The following RANBP2 variants were observed in gnomAD, a reference collection of about 807,000 sequenced individuals.
RANBP2 encodes the protein E3 SUMO-protein ligase RanBP2.
RANBP2 carries 57 observed loss-of-function variants against 303.6 expected under a neutral mutation model. The observed-to-expected ratio is 0.19, with a 90% CI of 0.15 to 0.23. The LOEUF (loss-of-function observed/expected upper bound fraction) is 0.23, where lower values mean the gene tolerates loss of function less well. Ranked by LOEUF, RANBP2 falls within the 10% of genes least tolerant of loss-of-function variation. The probability of loss-of-function intolerance (pLI) is 1.00; values close to 1 mark genes in which losing one functional copy is unlikely to be tolerated. For missense variants in RANBP2, 3,138 were observed against 3,780.8 expected, an observed-to-expected ratio of 0.83 and a Z score of 4.46; for synonymous variants, 1,167 against 1,301.5, an observed-to-expected ratio of 0.90 and a Z score of 2.23.
chr2:109,176,311 T>C, the RANBP2 span, among the ~76,000 whole-genome samples: 1 of 152,180 alleles, frequency 6.6e-6, no homozygotes, highest in Admixed American at 6.5e-5. Flanking sequence ...GGTTATTTCA[T>C]TGAGGGCTGG....
chr2:109,627,128 C>T, the RANBP2 span, among the ~76,000 whole-genome samples: 1 of 151,962 alleles, frequency 6.6e-6, no homozygotes, highest in Admixed American at 6.6e-5. Context: ...TCTGTGAATA[C>T]CCACTGCACT....
At chr2:109,064,116 C>G in the RANBP2 span, among the ~76,000 whole-genome samples, 1 of 152,150 alleles carries the variant, frequency 6.6e-6, no homozygotes, top group Admixed American at 6.5e-5. Context: ...TGTGATAACT[C>G]TGTAAGGTAT....
the RANBP2 span, among the ~76,000 whole-genome samples, chr2:109,558,187 T>A: frequency 1.3e-5 from 2 of 152,210 alleles, no homozygotes; most frequent in South Asian, 4.1e-4. Context: ...AAATCTCAGA[T>A]GCTCATGTCA....
At chr2:109,767,330 G>A in the RANBP2 span, among the ~76,000 whole-genome samples, 2 of 149,426 alleles carry the variant, frequency 1.3e-5, no homozygotes, top group South Asian at 2.2e-4. Flanking sequence ...TTTCTTAGTC[G>A]TGCATCATAG....
chr2:109,196,614 G>A, the RANBP2 span, among the ~76,000 whole-genome samples: 1 of 152,168 alleles, frequency 6.6e-6, no homozygotes, highest in Non-Finnish European at 1.5e-5. Context: ...TTGAAACTCC[G>A]AGTGCTGCTG....
At chr2:109,414,534 T>A in the RANBP2 span, among the ~76,000 whole-genome samples, 2 of 152,292 alleles carry the variant, frequency 1.3e-5, no homozygotes, top group East Asian at 3.9e-4. Flanking sequence ...GACGCCATCT[T>A]GGCTACGGTC....
At chr2:109,198,351 A>G in the RANBP2 span, among the ~76,000 whole-genome samples, 8 of 140,604 alleles carry the variant, frequency 5.7e-5, no homozygotes, top group Admixed American at 2.3e-4. Context: ...GATCACTTCA[A>G]ACATCCTTGT....
chr2:109,301,352 G>A, the RANBP2 span, among the ~76,000 whole-genome samples: 1 of 68,866 alleles, frequency 1.5e-5, no homozygotes, highest in Non-Finnish European at 3.0e-5. Flanking sequence ...GTGTGTGTGT[G>A]TTTGTGTATG....
At chr2:109,059,111 G>A in the RANBP2 span, among the ~76,000 whole-genome samples, 4 of 152,158 alleles carry the variant, frequency 2.6e-5, no homozygotes, top group African/African-American at 9.7e-5. Flanking sequence ...GTGGGGAAGG[G>A]GAGTTAGGGG....
At chr2:109,633,397 A>G in the RANBP2 span, among the ~76,000 whole-genome samples, 5 of 91,676 alleles carry the variant, frequency 5.5e-5, no homozygotes, top group Non-Finnish European at 1.3e-4. Flanking sequence ...CATCTCAAAA[A>G]ACAAAACAAA....
At chr2:109,488,609 CT>C in the RANBP2 span, among the ~76,000 whole-genome samples, 1 of 152,334 alleles carries the variant, frequency 6.6e-6, no homozygotes, top group East Asian at 1.9e-4. Flanking sequence ...ACGGTTTCTT[CT>C]TTTCCTTTCT....
the RANBP2 span, chr2:108,873,300 GAT>G: frequency 2.6e-5 from 1 of 38,750 alleles, no homozygotes; most frequent in East Asian, 1.1e-3. Context: ...TTTTTCAAAT[GAT>G]GATATTTTCA....
the RANBP2 span, among the ~76,000 whole-genome samples, chr2:108,889,743 T>G: frequency 6.6e-6 from 1 of 152,190 alleles, no homozygotes; most frequent in African/African-American, 2.4e-5. Context: ...TCCATTCAGC[T>G]ATTCTATATC....
chr2:109,703,211 C>G, the RANBP2 span, among the ~76,000 whole-genome samples: 4 of 152,184 alleles, frequency 2.6e-5, no homozygotes, highest in East Asian at 7.7e-4. Context: ...TGCTGGGCTC[C>G]CAGGCATTTA....
chr2:109,455,745 C>T, the RANBP2 span, among the ~76,000 whole-genome samples: 2 of 152,302 alleles, frequency 1.3e-5, no homozygotes, highest in East Asian at 3.9e-4. Flanking sequence ...CCAGTTCTGT[C>T]GACAGGCAGC....
the RANBP2 span, among the ~76,000 whole-genome samples, chr2:109,379,011 T>G: frequency 2.8e-4 from 43 of 152,140 alleles, no homozygotes; most frequent in Admixed American, 2.8e-3. Context: ...GCTCCCCAGA[T>G]CCAGAACTCT....
the RANBP2 span, among the ~76,000 whole-genome samples, chr2:108,803,963 G>A: frequency 6.6e-6 from 1 of 152,072 alleles, no homozygotes; most frequent in Non-Finnish European, 1.5e-5. Flanking sequence ...GTTATTTAAG[G>A]AATCAATATA....
chr2:108,793,313 A>G, the RANBP2 span, among the ~76,000 whole-genome samples: 1 of 152,076 alleles, frequency 6.6e-6, no homozygotes, highest in East Asian at 2.0e-4. Flanking sequence ...AGCCTGGGCG[A>G]CAGAGTGAGA....
the RANBP2 span, among the ~76,000 whole-genome samples, chr2:109,579,310 T>C: frequency 1.3e-5 from 2 of 152,154 alleles, no homozygotes; most frequent in Non-Finnish European, 2.9e-5. Flanking sequence ...CCCCAGGCAC[T>C]GATTTTTTTT....
Sources: allele counts gnomAD v4.1 joint callset (sites outside exome capture counted in the v4.1 genomes callset), GRCh38; gene constraint gnomAD v4.1.1; transcripts MANE v1.5; gene names NCBI Gene and HGNC (gene_info 2026-07-23, HGNC 2026-07-21).